The following EFCAB6 variants were observed in gnomAD, a reference collection of about 807,000 sequenced individuals.
EFCAB6 encodes EF-hand calcium-binding domain-containing protein 6.
In EFCAB6, 156 loss-of-function variants were observed where a neutral mutation model predicts 169.8. That is an observed-to-expected ratio of 0.92 (90% CI 0.81 to 1.05). The LOEUF is 1.05. EFCAB6 is among the 50% of genes least tolerant of loss of function. The pLI is 0.00. For missense variants in EFCAB6, 1,800 were observed against 1,829.1 expected, an observed-to-expected ratio of 0.98 and a Z score of 0.29; for synonymous variants, 698 against 676.4, an observed-to-expected ratio of 1.03 and a Z score of -0.50.
intron 17 of EFCAB6, among the ~76,000 whole-genome samples, chr22:43,636,999 C>T (rs1482343412): frequency 6.6e-6 from 1 of 152,164 alleles, no homozygotes; most frequent in East Asian, 1.9e-4. Flanking sequence ...TGAAAATGGA[C>T]AGGAAATGGC....
At chr22:43,723,567 T>A (rs959598903) in intron 8 of EFCAB6, among the ~76,000 whole-genome samples, 1 of 152,232 alleles carries the variant, frequency 6.6e-6, no homozygotes, top group African/African-American at 2.4e-5. Context: ...TAAATTTTTT[T>A]AAATTATCAG....
At chr22:43,644,532 C>T (rs74580448) in intron 17 of EFCAB6, among the ~76,000 whole-genome samples, 2,858 of 152,288 alleles carry the variant, frequency 0.019, 93 homozygotes, top group African/African-American at 0.065. Flanking sequence ...TGATCCATAG[C>T]GGATGGGACT....
At chr22:43,582,415 T>C (rs1254723985) in intron 24 of EFCAB6, among the ~76,000 whole-genome samples, 3 of 152,022 alleles carry the variant, frequency 2.0e-5, no homozygotes, top group Non-Finnish European at 4.4e-5. Flanking sequence ...AATGGATCAA[T>C]GTCTTCAAAC....
At chr22:43,603,720 C>G (rs2052703318) in intron 22 of EFCAB6, among the ~76,000 whole-genome samples, 1 of 152,256 alleles carries the variant, frequency 6.6e-6, no homozygotes, top group African/African-American at 2.4e-5. Context: ...GGCCAGGCAG[C>G]AGAGGCAGAC....
At chr22:43,801,536 T>C (rs1358989232) in intron 2 of EFCAB6, among the ~76,000 whole-genome samples, 1 of 152,182 alleles carries the variant, frequency 6.6e-6, no homozygotes, top group Non-Finnish European at 1.5e-5. Flanking sequence ...CCTGTTGAGA[T>C]AGGTAATATA....
intron 2 of EFCAB6, among the ~76,000 whole-genome samples, chr22:43,785,543 C>A (rs1296046282): frequency 6.9e-6 from 1 of 144,794 alleles, no homozygotes; most frequent in African/African-American, 2.4e-5. Flanking sequence ...GATGTTAATG[C>A]CTATATTTTA....
chr22:43,747,037 C>T (rs574180644), intron 6 of EFCAB6, among the ~76,000 whole-genome samples: 10 of 152,328 alleles, frequency 6.6e-5, no homozygotes, highest in East Asian at 3.9e-4. Flanking sequence ...AAAGACAAAC[C>T]GCAGAAGACT....
chr22:43,629,863 C>T (rs936384844), intron 19 of EFCAB6, among the ~76,000 whole-genome samples: 3 of 152,066 alleles, frequency 2.0e-5, no homozygotes, highest in African/African-American at 4.8e-5. Flanking sequence ...GTGGGCACTC[C>T]GGTCAGAGAT....
intron 2 of EFCAB6, among the ~76,000 whole-genome samples, chr22:43,805,965 G>A (rs1228064125): frequency 6.6e-6 from 1 of 152,110 alleles, no homozygotes; most frequent in African/African-American, 2.4e-5. Context: ...AGGAGTTCGA[G>A]ACTAGCCTGG....
At chr22:43,712,670 G>A (rs1392468135) in intron 9 of EFCAB6, among the ~76,000 whole-genome samples, 1 of 152,156 alleles carries the variant, frequency 6.6e-6, no homozygotes, top group East Asian at 1.9e-4. Context: ...TACACTGCCT[G>A]GGGGAAGACT....
rs529180826 is a variant in EFCAB6, at chr22:43,580,388, T to A, written c.3228+76A>T. 199 of 1,507,590 alleles carry A rather than the reference T, an allele frequency of 1.3e-4. No homozygotes were observed. The African/African-American group carries it at 2.0e-3, about 15-fold the overall frequency. The allele number at this position is 1,507,590 out of a possible 1,614,324, so 93.4% of individuals were successfully genotyped here. A position where few individuals can be genotyped will look rare whatever the true frequency, so the allele number is the denominator to read the frequency against. On this transcript the variant is annotated intron_variant, in intron 25 of 31. Transcript: ENST00000262726. Reference sequence around the variant, plus strand: ...GGAGAATGAACAGAGGTGGGAGGGGTTTCAGGGTGGGGCTGAGAGGTGTTT... The same window carrying A: ...GGAGAATGAACAGAGGTGGGAGGGGATTCAGGGTGGGGCTGAGAGGTGTTT...
At chr22:43,619,537 T>G (rs1238439836) in intron 20 of EFCAB6, among the ~76,000 whole-genome samples, 1 of 152,162 alleles carries the variant, frequency 6.6e-6, no homozygotes, top group African/African-American at 2.4e-5. Flanking sequence ...AGCTATTATA[T>G]TCATGAAGAG....
intron 6 of EFCAB6, among the ~76,000 whole-genome samples, chr22:43,743,993 GGATGAATGAAT>G (rs2060467548): frequency 1.2e-5 from 1 of 82,314 alleles, no homozygotes; most frequent in Non-Finnish European, 2.9e-5. Flanking sequence ...ATAGGTAAAT[GGATGAATGAAT>G]GGATGAAGGG....
intron 2 of EFCAB6, among the ~76,000 whole-genome samples, chr22:43,793,670 C>T (rs866756159): frequency 6.8e-6 from 1 of 148,034 alleles, no homozygotes; most frequent in East Asian, 2.0e-4. Flanking sequence ...TTCAGCATTG[C>T]TCTGTGGGGT....
intron 17 of EFCAB6, among the ~76,000 whole-genome samples, chr22:43,656,801 C>T (rs2056766846): frequency 8.9e-6 from 1 of 112,120 alleles, no homozygotes. Context: ...TACCACATAG[C>T]TTAGCTGTGT....
At chr22:43,778,358 C>A (rs2061704572) in intron 3 of EFCAB6, among the ~76,000 whole-genome samples, 1 of 152,192 alleles carries the variant, frequency 6.6e-6, no homozygotes, top group African/African-American at 2.4e-5. Flanking sequence ...CCCAGCATGG[C>A]ACACGAGGTT....
At position 43,735,981 on chromosome 22, in the gene EFCAB6, T is replaced by A. The variant is rs772848375; in HGVS notation, c.520A>T (p.Ile174Phe). ...TCAAAGGCTTTCATAACAGTCTTAA[T>A]GTTTTTGAAAACCTATGTACAAAAA... ...IQVGEKVFKNIKTVMKAFELI... is the reference protein window; with the variant it reads ...IQVGEKVFKNFKTVMKAFELI... Residue 174 changes from isoleucine (I) to phenylalanine (F), a missense_variant, in exon 7 of 32, where the codon ATT (isoleucine) becomes TTT (phenylalanine). Ile to Phe is a conservative substitution (Grantham distance 21). Transcript: ENST00000262726. 6.2e-7 allele frequency: 1 copy of A among 1,611,704 alleles called. No homozygotes were observed. Among genetic ancestry groups the A allele is most frequent in the Admixed American group, 1.7e-5 (1 of 59,530 alleles).
At chr22:43,796,405 C>T (rs1040445217) in intron 2 of EFCAB6, among the ~76,000 whole-genome samples, 8 of 152,104 alleles carry the variant, frequency 5.3e-5, no homozygotes, top group Admixed American at 4.6e-4. Flanking sequence ...TGTCTTGCTG[C>T]CCCAAATACA....
intron 10 of EFCAB6, among the ~76,000 whole-genome samples, chr22:43,698,814 A>G (rs1268715061): frequency 6.6e-6 from 1 of 152,156 alleles, no homozygotes; most frequent in African/African-American, 2.4e-5. Context: ...ATAGAATGGG[A>G]AGTGGAGGAA....
Sources: gnomAD v4.1 joint callset for allele counts (sites outside exome capture counted in the v4.1 genomes callset) on GRCh38, gnomAD v4.1.1 for gene constraint, MANE v1.5 for transcripts, NCBI Gene and HGNC (gene_info 2026-07-23, HGNC 2026-07-21) for gene names.